Variants in ARHGAP21 observed in about 807,000 individuals in gnomAD.
ARHGAP21 encodes rho GTPase-activating protein 21.
A neutral mutation model predicts 164.6 loss-of-function variants in ARHGAP21; 38 were observed. The observed-to-expected ratio is 0.23, with a 90% CI of 0.18 to 0.30. The LOEUF (loss-of-function observed/expected upper bound fraction) is 0.30. Ranked by LOEUF, ARHGAP21 falls within the 10% of genes least tolerant of loss-of-function variation. The pLI is 1.00. For synonymous variants in ARHGAP21, 766 were observed against 857.9 expected, an observed-to-expected ratio of 0.89 and a Z score of 1.87; for missense variants, 1,822 against 2,370.7, an observed-to-expected ratio of 0.77 and a Z score of 4.81.
At chr10:24,630,105 T>C (rs1278495667) in intron 6 of ARHGAP21, 55 bp from the exon 7 acceptor site, 1 of 989,900 alleles carries the variant, frequency 1.0e-6, no homozygotes, top group Non-Finnish European at 1.5e-6. Context: ...AAAAAAAGAC[T>C]TAATGGAAAA....
intron 6 of ARHGAP21, among the ~76,000 whole-genome samples, chr10:24,631,287 C>G (rs1397394309): frequency 1.3e-5 from 2 of 152,178 alleles, no homozygotes; most frequent in Non-Finnish European, 2.9e-5. Context: ...TTGCTTGAAC[C>G]TGGGAGGCGG....
rs147810945 is a variant in ARHGAP21 at position 24,600,731 on chromosome 10, C to T, written c.3047G>A (p.Cys1016Tyr). ...GTCTTCAGCCTGAAACAGGCATTCA[C>T]AGTCGGACGTGGTGAGTCGAAACAC... is the stretch of plus-strand genomic sequence containing the variant. The part of the protein sequence containing the change: ...KNVFRLTTSD[C>Y]ECLFQAEDRD... Residue 1016 changes from cysteine to tyrosine, a missense_variant, in exon 14 of 26, where the codon TGT becomes TAT. Cys to Tyr is a radical substitution (Grantham distance 194, BLOSUM62 -2). Around this residue, in one of 5 missense-constraint regions of ARHGAP21, gnomAD observed 1,090 missense variants for 1,378.9 expected, o/e 0.79. Transcript: ENST00000396432. The T allele has an allele frequency of 5.6e-6, 9 of 1,614,000 alleles. No individual in the cohort carries two copies. Among genetic ancestry groups the T allele is most frequent in the Non-Finnish European group, 6.8e-6 (8 of 1,179,882 alleles).
At chr10:24,672,424 G>A (rs1483788896) in intron 2 of ARHGAP21, among the ~76,000 whole-genome samples, 1 of 152,018 alleles carries the variant, frequency 6.6e-6, no homozygotes, top group Non-Finnish European at 1.5e-5. Context: ...AGGTACCCAG[G>A]GCTCAGTCTA....
At chr10:24,646,036 A>G (rs925433230) in intron 4 of ARHGAP21, among the ~76,000 whole-genome samples, 1 of 152,240 alleles carries the variant, frequency 6.6e-6, no homozygotes, top group African/African-American at 2.4e-5. Context: ...GGCTCACAGG[A>G]CTGACTCAAC....
chr10:24,633,882 TC>T (rs2131355515), intron 5 of ARHGAP21, among the ~76,000 whole-genome samples: 1 of 120,928 alleles, frequency 8.3e-6, no homozygotes, highest in Non-Finnish European at 1.7e-5. Context: ...TCTTTTTTTC[TC>T]TTTTTTTTTT....
At chr10:24,636,988 T>C (rs1836454263) in intron 4 of ARHGAP21, among the ~76,000 whole-genome samples, 1 of 152,248 alleles carries the variant, frequency 6.6e-6, no homozygotes, top group African/African-American at 2.4e-5. Context: ...ATTCAATAAA[T>C]AATTATTCAA....
At chr10:24,658,754 C>T (rs1000935253) in intron 4 of ARHGAP21, among the ~76,000 whole-genome samples, 1 of 151,914 alleles carries the variant, frequency 6.6e-6, no homozygotes, top group Non-Finnish European at 1.5e-5. Flanking sequence ...GTGCAGCACA[C>T]CAACATGGCA....
At chr10:24,621,649 T>G (rs1269450795) in intron 8 of ARHGAP21, among the ~76,000 whole-genome samples, 1 of 152,218 alleles carries the variant, frequency 6.6e-6, no homozygotes, top group African/African-American at 2.4e-5. Flanking sequence ...CAATTAGATG[T>G]ACCCACATTA....
At chr10:24,627,449 A>C (rs1835250397) in intron 7 of ARHGAP21, among the ~76,000 whole-genome samples, 1 of 110,856 alleles carries the variant, frequency 9.0e-6, no homozygotes. Flanking sequence ...ATTACACTAC[A>C]TTCAAATGTG....
At chr10:24,616,962 T>C (rs545792420) in intron 9 of ARHGAP21, among the ~76,000 whole-genome samples, 99 of 152,334 alleles carry the variant, frequency 6.5e-4, no homozygotes, top group African/African-American at 2.3e-3. Flanking sequence ...TATGCCTGTA[T>C]GCCTCCTGCA....
chr10:24,682,383 C>A (rs1841853652), intron 2 of ARHGAP21, among the ~76,000 whole-genome samples: 1 of 152,096 alleles, frequency 6.6e-6, no homozygotes, highest in Non-Finnish European at 1.5e-5. Flanking sequence ...TCTCTATATG[C>A]CATGAATAGG....
chr10:24,595,646 T>G, intron 19 of ARHGAP21, 71 bp downstream of exon 19: 1 of 1,472,794 alleles, frequency 6.8e-7, no homozygotes, highest in Non-Finnish European at 9.4e-7. Context: ...CTTGTTCAAT[T>G]TAATATTCTA....
chr10:24,706,078 G>T (rs1844197815), intron 2 of ARHGAP21, among the ~76,000 whole-genome samples: 1 of 152,116 alleles, frequency 6.6e-6, no homozygotes, highest in African/African-American at 2.4e-5. Flanking sequence ...CACTGTGAAA[G>T]AACTCAAGAA....
intron 14 of ARHGAP21, 96 bp downstream of exon 14, chr10:24,600,550 A>G (rs1014957486): frequency 7.1e-6 from 10 of 1,413,096 alleles, no homozygotes; most frequent in Non-Finnish European, 9.4e-6. Flanking sequence ...GCACATTATA[A>G]TTTTTTTATA....
chr10:24,673,831 C>T (rs35826156), intron 2 of ARHGAP21, among the ~76,000 whole-genome samples: 23,870 of 152,154 alleles, frequency 0.16, 2,417 homozygotes, highest in Non-Finnish European at 0.22. Context: ...CACTACACTC[C>T]AGCCTGGGTG....
intron 2 of ARHGAP21, among the ~76,000 whole-genome samples, chr10:24,718,421 A>C (rs1351359978): frequency 6.6e-6 from 1 of 152,218 alleles, no homozygotes; most frequent in African/African-American, 2.4e-5. Context: ...AGAGTGCAAA[A>C]TAAAACCCAG....
intron 2 of ARHGAP21, among the ~76,000 whole-genome samples, chr10:24,711,110 A>G (rs924184403): frequency 6.9e-6 from 1 of 145,024 alleles, no homozygotes; most frequent in African/African-American, 2.5e-5. Flanking sequence ...AAAAAAAAAA[A>G]AAAAAGGGAA....
chr10:24,658,944 G>A (rs931561410), intron 4 of ARHGAP21, among the ~76,000 whole-genome samples: 1 of 152,164 alleles, frequency 6.6e-6, no homozygotes, highest in African/African-American at 2.4e-5. Context: ...GATGCCCAAA[G>A]TCATTAGGCA....
rs1432683652 is a variant in ARHGAP21 at position 24,620,040 on chromosome 10, C to T, written c.1855G>A (p.Val619Met). Residue 619 changes from valine to methionine, a missense_variant, in exon 9 of 26, where the codon GTG (valine) becomes ATG (methionine). Coordinates refer to ENST00000396432, the MANE Select transcript of ARHGAP21 (RefSeq NM_020824.4). Reference sequence around the variant, plus strand: ...TTCAGAGAATTACTTCGGACTTTCACAAGAGGTGACCTGTCTTGTGAAATA... The same window carrying T: ...TTCAGAGAATTACTTCGGACTTTCATAAGAGGTGACCTGTCTTGTGAAATA... ...RGISQDRSPL[V>M]KVRSNSLKAP... 1.2e-6 allele frequency: 2 copies of T among 1,613,942 alleles called. No individual in the cohort carries two copies. Among genetic ancestry groups the T allele is most frequent in the Non-Finnish European group, 1.7e-6 (2 of 1,179,856 alleles).
Sources: gnomAD v4.1 joint callset for allele counts (sites outside exome capture counted in the v4.1 genomes callset) on GRCh38, gnomAD v4.1.1 for gene constraint, gnomAD v4.1.1 regional missense constraint, MANE v1.5 for transcripts, NCBI Gene and HGNC (gene_info 2026-07-23, HGNC 2026-07-21) for gene names.